The following CUL4B variants were observed in gnomAD, a reference collection of about 807,000 sequenced individuals.
The protein encoded by CUL4B is cullin 4B, also known as cullin-4B.
A neutral mutation model predicts 69.2 loss-of-function variants in CUL4B; 1 was observed. The observed-to-expected ratio is 0.01, with a 90% CI of 0.01 to 0.07. The LOEUF (loss-of-function observed/expected upper bound fraction) is 0.07, where lower values mean the gene tolerates loss of function less well. CUL4B is among the 10% of genes least tolerant of loss of function. The pLI, the probability that CUL4B is intolerant of heterozygous loss-of-function variation, is 1.00. For synonymous variants in CUL4B, 237 were observed against 223.2 expected, an observed-to-expected ratio of 1.06 and a Z score of -0.55; for missense variants, 328 against 638.8, an observed-to-expected ratio of 0.51 and a Z score of 5.24.
In CUL4B at chrX:120,560,715, T is replaced by C. The variant is rs935558933; in HGVS notation, c.-77A>G. 37 of 1,126,614 alleles carry C rather than the reference T, an allele frequency of 3.3e-5. No individual in the cohort carries two copies. In the African/African-American group the frequency reaches 4.6e-4, roughly 14 times the overall value. The allele number at this position is 1,126,614 out of a possible 1,213,427, so 92.8% of individuals were successfully genotyped here. On this transcript the variant is annotated 5_prime_UTR_variant, in exon 1 of 20. Coordinates refer to ENST00000371322, the MANE Select transcript of CUL4B (RefSeq NM_001079872.2). Reference sequence around the variant, plus strand: ...GCCTGCGTGCGTGTAGGAGAGAAGGTAGCAATGCTAGAGGGGGAAGGGAAG... The same window carrying C: ...GCCTGCGTGCGTGTAGGAGAGAAGGCAGCAATGCTAGAGGGGGAAGGGAAG...
Position 120,523,914 on chromosome X carries a change from G to A in CUL4B, c.*2847C>T, listed in dbSNP as rs961710098. Reference sequence around the variant, plus strand: ...GAACAATTTGTTTTGGCAATTTTATGTAAATAAGAGAATAGAACACGCTCA... The same window carrying A: ...GAACAATTTGTTTTGGCAATTTTATATAAATAAGAGAATAGAACACGCTCA... On this transcript the variant is annotated 3_prime_UTR_variant, in exon 20 of 20. Transcript: ENST00000371322. 1.3e-4 allele frequency among the ~76,000 whole-genome samples: 15 copies of A among 111,515 alleles called. No individual in the cohort carries two copies. Among genetic ancestry groups the A allele is most frequent in the African/African-American group, 3.9e-4 (12 of 30,744 alleles).
At chrX:120,561,365 C>T (rs750431108), upstream of CUL4B, 3 of 566,593 alleles carry the variant, frequency 5.3e-6, no homozygotes, top group South Asian at 6.8e-5. Context: ...CGCCGCAGCG[C>T]CCTTACCGGA....
chrX:120,563,284 A>G (rs1157857656), upstream of CUL4B, among the ~76,000 whole-genome samples: 17 of 111,756 alleles, frequency 1.5e-4, no homozygotes, highest in Non-Finnish European at 1.9e-5. Context: ...CCCAGGCTGG[A>G]CTGCAGTGGT....
chrX:120,559,774 C>A (rs769606988), intron 1 of CUL4B: 2 of 1,066,426 alleles, frequency 1.9e-6, no homozygotes, highest in African/African-American at 1.9e-5. Context: ...ATACAAATTT[C>A]TCACCTGCAA....
At chrX:120,568,917 A>G (rs1019166051), downstream of CUL4B, among the ~76,000 whole-genome samples, 2 of 112,230 alleles carry the variant, frequency 1.8e-5, no homozygotes, top group African/African-American at 6.5e-5. Context: ...AGTAGTAGAC[A>G]TGTTAGAAAA....
chrX:120,532,081 C>T (rs1436455114), intron 18 of CUL4B, among the ~76,000 whole-genome samples: 1 of 111,601 alleles, frequency 9.0e-6, no homozygotes, highest in Admixed American at 9.5e-5. Flanking sequence ...AATTTAATTG[C>T]CCCAAAATGA....
intron 3 of CUL4B, 108 bp downstream of exon 3, chrX:120,547,028 C>A (rs1308115718): frequency 1.9e-6 from 1 of 538,411 alleles, no homozygotes; most frequent in Non-Finnish European, 3.2e-6. Context: ...CAAAAAATGA[C>A]AAACCTACAA....
chrX:120,549,160 G>T (rs1408931699), intron 2 of CUL4B, among the ~76,000 whole-genome samples: 1 of 112,245 alleles, frequency 8.9e-6, no homozygotes, highest in East Asian at 2.8e-4. Context: ...ATGAACTCTA[G>T]GGGGGCATCC....
chrX:120,538,256 CA>C, intron 13 of CUL4B, 47 bp from the exon 14 acceptor site: 1 of 860,729 alleles, frequency 1.2e-6, no homozygotes, highest in Non-Finnish European at 1.7e-6. Context: ...GTGGTAAAAA[CA>C]AAAGAGGTTT....
intron 16 of CUL4B, 126 bp downstream of exon 16, chrX:120,535,704 C>CAAAAAA (rs71820203): frequency 1.4e-4 from 26 of 189,708 alleles, no homozygotes; most frequent in Admixed American, 3.1e-4. Flanking sequence ...GACTCTGTCT[C>CAAAAAA]AAAAAAAAAA....
At chrX:120,573,739 G>A (rs749948361) in intron 2 of CUL4B, among the ~76,000 whole-genome samples, 71 of 112,331 alleles carry the variant, frequency 6.3e-4, no homozygotes, top group South Asian at 1.5e-3. Context: ...AGTTTTCTCT[G>A]GGAAAATTTG....
chrX:120,526,913 T>C (rs1923001121), intron 19 of CUL4B, 57 bp from the exon 20 acceptor site: 1 of 682,944 alleles, frequency 1.5e-6, no homozygotes, highest in Admixed American at 2.3e-5. Context: ...TCAAGCCCAT[T>C]TAGTTAATAC....
chrX:120,540,745 C>T (rs1312340328), intron 10 of CUL4B, among the ~76,000 whole-genome samples, 183 bp from the exon 11 acceptor site: 1 of 112,064 alleles, frequency 8.9e-6, no homozygotes, highest in Non-Finnish European at 1.9e-5. Flanking sequence ...TGAAAGGATC[C>T]TCCTGCCTCA....
chrX:120,560,980 C>T, upstream of CUL4B: 1 of 753,516 alleles, frequency 1.3e-6, no homozygotes, highest in African/African-American at 2.3e-5. Flanking sequence ...TGCAGCTCCT[C>T]CTCCTTTTCT....
intron 6 of CUL4B, 134 bp downstream of exon 6, chrX:120,544,347 G>T: frequency 1.2e-6 from 1 of 840,730 alleles, no homozygotes; most frequent in Non-Finnish European, 1.8e-6. Context: ...TGATGATTGG[G>T]TTTTTATGCT....
At chrX:120,569,507 C>T (rs1925652961), downstream of CUL4B, among the ~76,000 whole-genome samples, 1 of 110,138 alleles carries the variant, frequency 9.1e-6, no homozygotes, top group East Asian at 2.8e-4. Flanking sequence ...ACTACAGGCG[C>T]CCGCCACCAC....
rs773335186 is a variant in CUL4B, at chrX:120,538,800, T to C, written c.1742-30A>G. 5.0e-6 allele frequency: 5 copies of C among 994,304 alleles called. No homozygotes were observed. The Admixed American group carries it at 1.1e-4, about 22-fold the overall frequency. The allele number at this position is 994,304 out of a possible 1,213,427, so 81.9% of individuals were successfully genotyped here. On this transcript the variant is annotated intron_variant, in intron 12 of 19. Transcript: ENST00000371322. ...GTAAAAAGAAATGCAAAATTTATAATATTCCAATAAAAAGTACTGACAAAA... is the reference window on the plus strand; with the variant it reads ...GTAAAAAGAAATGCAAAATTTATAACATTCCAATAAAAAGTACTGACAAAA...
chrX:120,559,353 T>A (rs1925153592), intron 1 of CUL4B, among the ~76,000 whole-genome samples: 1 of 112,323 alleles, frequency 8.9e-6, no homozygotes, highest in African/African-American at 3.2e-5. Context: ...GTATTCATAA[T>A]ACTCTCCTCA....
intron 3 of CUL4B, 24 bp downstream of exon 3, chrX:120,547,112 G>T: frequency 9.2e-7 from 1 of 1,082,606 alleles, no homozygotes; most frequent in Non-Finnish European, 1.3e-6. Context: ...AACTATTCAC[G>T]ATTTTTTGTT....
Sources: gnomAD v4.1 joint callset for allele counts (sites outside exome capture counted in the v4.1 genomes callset) on GRCh38, gnomAD v4.1.1 for gene constraint, MANE v1.5 for transcripts, NCBI Gene and HGNC (gene_info 2026-07-23, HGNC 2026-07-21) for gene names.